The following EYA2 variants were observed in gnomAD, a reference collection of about 807,000 sequenced individuals.
The protein encoded by EYA2 is protein phosphatase EYA2.
Under a neutral mutation model 69.2 loss-of-function variants are expected in EYA2, and 31 were observed. The ratio of observed to expected loss-of-function variants is 0.45; its 90% CI spans 0.34 to 0.60. EYA2 has a LOEUF of 0.60. EYA2 is among the 20% of genes least tolerant of loss of function. EYA2 has a pLI of 0.02. For synonymous variants in EYA2, 257 were observed against 279.4 expected (o/e 0.92, Z 0.80); for missense variants, 622 against 701.2 (o/e 0.89, Z 1.28).
intron 5 of EYA2, among the ~76,000 whole-genome samples, chr20:47,038,838 CG>C (rs1984866245): frequency 6.6e-6 from 1 of 152,032 alleles, no homozygotes. Flanking sequence ...AGATACCTCA[CG>C]TAAGTGGAAT....
intron 1 of EYA2, among the ~76,000 whole-genome samples, chr20:46,950,509 T>C (rs866412909): frequency 4.5e-4 from 69 of 152,086 alleles, no homozygotes; most frequent in Non-Finnish European, 8.8e-5. Context: ...TGTTCCCTGC[T>C]CCTCCTTCTG....
chr20:47,112,653 A>G (rs1330992662), intron 9 of EYA2, among the ~76,000 whole-genome samples: 1 of 152,114 alleles, frequency 6.6e-6, no homozygotes, highest in Non-Finnish European at 1.5e-5. Flanking sequence ...AGGCCAAAAA[A>G]AAAGCACTTA....
chr20:47,074,010 G>T lies in EYA2; in HGVS notation c.484-148G>T, dbSNP rs577169918. On this transcript the variant is annotated intron_variant, in intron 6 of 15. Transcript: ENST00000327619. ...CTTGCACTTGAATCCTTGCCCCGGGGTCTGCTTCTGGGAAACCAAAATGAA... is the reference window on the plus strand; with the variant it reads ...CTTGCACTTGAATCCTTGCCCCGGGTTCTGCTTCTGGGAAACCAAAATGAA... 1.8e-4 allele frequency: 123 copies of T among 675,392 alleles called. 1 individual carries two copies. In the South Asian group the frequency reaches 3.3e-3, roughly 18 times the overall value. The allele number at this position is 675,392 out of a possible 1,614,324, so 41.8% of individuals were successfully genotyped here.
intron 1 of EYA2, among the ~76,000 whole-genome samples, chr20:46,896,451 CT>C (rs1383972776): frequency 6.6e-6 from 1 of 151,840 alleles, no homozygotes; most frequent in Non-Finnish European, 1.5e-5. Context: ...GAGAGAACCT[CT>C]TTTTCAAAAT....
intron 10 of EYA2, among the ~76,000 whole-genome samples, chr20:47,166,257 A>G (rs1315215771): frequency 6.6e-6 from 1 of 151,680 alleles, no homozygotes; most frequent in African/African-American, 2.4e-5. Flanking sequence ...AAAATTAGCT[A>G]GGCATGGTGG....
chr20:47,064,144 A>G (rs2031017777), intron 5 of EYA2, among the ~76,000 whole-genome samples: 1 of 152,152 alleles, frequency 6.6e-6, no homozygotes, highest in South Asian at 2.1e-4. Context: ...TTTAGTAAAG[A>G]TGGGATTTCA....
intron 9 of EYA2, among the ~76,000 whole-genome samples, chr20:47,111,541 C>G (rs1232664393): frequency 1.3e-5 from 2 of 152,162 alleles, no homozygotes; most frequent in Non-Finnish European, 1.5e-5. Flanking sequence ...GGCTTTTCCT[C>G]GTGGCCTAAG....
intron 1 of EYA2, among the ~76,000 whole-genome samples, chr20:46,917,147 C>G (rs1049363894): frequency 6.6e-6 from 1 of 152,176 alleles, no homozygotes; most frequent in Non-Finnish European, 1.5e-5. Context: ...TGTACTTCCT[C>G]AAAGCACTTA....
chr20:47,027,605 CT>C (rs1056816636), intron 5 of EYA2, among the ~76,000 whole-genome samples: 9 of 152,306 alleles, frequency 5.9e-5, no homozygotes, highest in African/African-American at 2.2e-4. Flanking sequence ...TTGGTCACCC[CT>C]ATCTCCAAAA....
chr20:47,036,087 A>G (rs1357600143), intron 5 of EYA2, among the ~76,000 whole-genome samples: 2 of 152,144 alleles, frequency 1.3e-5, no homozygotes, highest in South Asian at 2.1e-4. Context: ...CTTGGCCAGT[A>G]TTCACTCCCT....
chr20:47,017,613 A>C, intron 5 of EYA2, among the ~76,000 whole-genome samples: 1 of 150,592 alleles, frequency 6.6e-6, no homozygotes, highest in East Asian at 2.0e-4. Flanking sequence ...GGTGATAAGC[A>C]TTCATGCCCA....
chr20:47,133,670 A>G (rs1018449487), intron 9 of EYA2, among the ~76,000 whole-genome samples: 8 of 152,190 alleles, frequency 5.3e-5, no homozygotes, highest in African/African-American at 1.9e-4. Context: ...GAAGAGGCAC[A>G]TGGGGTGAAA....
At chr20:47,100,032 GGTTTGGTTTT>G (rs558058109) in intron 9 of EYA2, among the ~76,000 whole-genome samples, 2,842 of 88,032 alleles carry the variant, frequency 0.032, 40 homozygotes, top group Middle Eastern at 0.062. Context: ...GGTTTGGTTT[GGTTTGGTTTT>G]GTTCATAGCT....
intron 1 of EYA2, among the ~76,000 whole-genome samples, chr20:46,980,517 A>G (rs971297681): frequency 2.0e-5 from 3 of 152,294 alleles, no homozygotes; most frequent in South Asian, 4.1e-4. Flanking sequence ...TTCAGGGTGC[A>G]TGTGACTGTT....
rs148788575 is a variant in EYA2, at chr20:47,162,580, C to T, written c.979-6559C>T. ...TCACCCAGGCTGAAGTACAGTGGTG[C>T]GATCATAACTCACTCCAGCCTCGAC... is the stretch of plus-strand genomic sequence containing the variant. On this transcript the variant is annotated intron_variant, in intron 10 of 15. Transcript: ENST00000327619. 3.9e-3 allele frequency among the ~76,000 whole-genome samples: 533 copies of T among 138,122 alleles called. 1 individual carries two copies. The highest frequency in any genetic ancestry group is 0.013 in the African/African-American group (484 of 35,894). 90.6% of individuals were successfully genotyped at this position (138,122 alleles called of 152,430 possible). A position where few individuals can be genotyped will look rare whatever the true frequency, so the allele number is the denominator to read the frequency against.
chr20:46,900,732 C>A (rs184245425), intron 1 of EYA2, among the ~76,000 whole-genome samples: 1 of 152,236 alleles, frequency 6.6e-6, no homozygotes, highest in Admixed American at 6.5e-5. Context: ...TTTTGATGAT[C>A]TTTGAGGCTT....
chr20:47,184,847 G>A (rs1052416231), intron 15 of EYA2, among the ~76,000 whole-genome samples: 5 of 152,224 alleles, frequency 3.3e-5, no homozygotes, highest in African/African-American at 2.4e-5. Flanking sequence ...ACGGACTTAC[G>A]AGTTTCAAAC....
At chr20:46,898,866 G>A (rs1983949835) in intron 1 of EYA2, among the ~76,000 whole-genome samples, 1 of 152,250 alleles carries the variant, frequency 6.6e-6, no homozygotes, top group South Asian at 2.1e-4. Context: ...GAAGCCACAG[G>A]CTTATACATT....
intron 6 of EYA2, among the ~76,000 whole-genome samples, chr20:47,073,411 A>G (rs2031388488): frequency 1.3e-5 from 2 of 151,878 alleles, no homozygotes; most frequent in South Asian, 2.1e-4. Context: ...CCTCCTCCCC[A>G]TGAACATAAA....
Sources: allele counts gnomAD v4.1 joint callset (sites outside exome capture counted in the v4.1 genomes callset), GRCh38; gene constraint gnomAD v4.1.1; transcripts MANE v1.5; gene names NCBI Gene and HGNC (gene_info 2026-07-23, HGNC 2026-07-21).